MAP1B: variants seen among roughly 807,000 people sequenced by gnomAD.
MAP1B encodes the protein microtubule-associated protein 1B.
MAP1B carries 12 observed loss-of-function variants against 176.1 expected under a neutral mutation model. The ratio of observed to expected loss-of-function variants is 0.07; its 90% CI spans 0.04 to 0.11. The LOEUF is 0.11. Ranked by LOEUF, MAP1B falls within the 10% of genes least tolerant of loss-of-function variation. The pLI is 1.00. For missense variants in MAP1B, 2,523 were observed against 2,990.5 expected (o/e 0.84, Z 3.65); for synonymous variants, 1,044 against 1,135.0 (o/e 0.92, Z 1.61).
rs1561316758 is a variant in MAP1B at position 72,198,195 on chromosome 5, C to T, written c.4840C>T (p.Pro1614Ser). Reference protein sequence around the residue: ...TEMSPSKEECPRPMSISPPDF... With the variant: ...TEMSPSKEECSRPMSISPPDF... ...AATGTCTCCATCTAAAGAAGAATGC[C>T]CAAGACCGATGTCAATTTCTCCACC... The change falls in exon 5 of 7, where the codon CCA becomes TCA. Residue 1614 changes from proline to serine, a missense_variant. This residue lies in a region of MAP1B where 1,925 missense variants were observed against 2,126.0 expected (regional missense o/e 0.91). Transcript: ENST00000296755. 1.9e-6 allele frequency: 3 copies of T among 1,614,192 alleles called. No homozygotes were observed. Among genetic ancestry groups the T allele is most frequent in the South Asian group, 2.2e-5 (2 of 91,084 alleles).
intron 1 of MAP1B, among the ~76,000 whole-genome samples, chr5:72,113,147 G>A (rs1160867711): frequency 6.6e-6 from 1 of 152,136 alleles, no homozygotes; most frequent in Non-Finnish European, 1.5e-5. Flanking sequence ...TATCCAGCAG[G>A]AGATACAAAG....
intron 2 of MAP1B, among the ~76,000 whole-genome samples, chr5:72,145,055 G>A (rs1404554202): frequency 6.6e-6 from 1 of 152,130 alleles, no homozygotes; most frequent in East Asian, 1.9e-4. Context: ...GTCCAGCTGT[G>A]GGGAGCACTG....
rs779524534 is a variant in MAP1B, at chr5:72,198,537, G to A, written c.5182G>A (p.Ala1728Thr). 8 of 1,613,812 alleles carry A rather than the reference G, an allele frequency of 5.0e-6. No individual in the cohort carries two copies. The East Asian group carries it at 1.8e-4, about 36-fold the overall frequency. ...SELISVSQVE[A>T]SPSTSSAHTP... The stretch of plus-strand genomic sequence containing the variant: ...GCTCATCTCAGTATCTCAGGTAGAG[G>A]CCTCCCCGTCCACCTCTTCTGCTCA... Residue 1728 changes from alanine to threonine, a missense_variant, in exon 5 of 7, where the codon GCC (alanine) becomes ACC (threonine). By Grantham distance (58) the Ala-to-Thr change is moderately conservative. Around this residue, in one of 4 missense-constraint regions of MAP1B, gnomAD observed 1,925 missense variants for 2,126.0 expected, o/e 0.91. Transcript: ENST00000296755.
chr5:72,195,253 C>T lies in MAP1B; in HGVS notation c.1898C>T (p.Ala633Val). 1 of 1,613,040 alleles carries T rather than the reference C, an allele frequency of 6.2e-7. No homozygotes were observed. The change falls in exon 5 of 7, where the codon GCC becomes GTC. Residue 633 changes from alanine to valine, a missense_variant. By Grantham distance (64) the Ala-to-Val change is moderately conservative. This residue lies in a region of MAP1B where 1,925 missense variants were observed against 2,126.0 expected (regional missense o/e 0.91). Coordinates refer to ENST00000296755, the MANE Select transcript of MAP1B (RefSeq NM_005909.5). ...GCCACAGATGTCAAACCCAAAGCTG[C>T]CAAGGAGAAGACGGTGAAAAAGGAA... ...KQATDVKPKA[A>V]KEKTVKKETK...
chr5:72,200,707 A>G (rs1029616681), intron 5 of MAP1B, among the ~76,000 whole-genome samples: 1 of 152,192 alleles, frequency 6.6e-6, no homozygotes, highest in Admixed American at 6.5e-5. Flanking sequence ...GGTTTCAGCC[A>G]TACTGGCCTC....
Position 72,198,183 on chromosome 5 carries a change from A to G in MAP1B, c.4828A>G (p.Lys1610Glu). 6.2e-7 allele frequency: 1 copy of G among 1,614,234 alleles called. No individual in the cohort carries two copies. The highest frequency in any genetic ancestry group is 8.5e-7 in the Non-Finnish European group (1 of 1,180,040). ...TFQETEMSPS[K>E]EECPRPMSIS... ...CCAGGAAACAGAAATGTCTCCATCT[A>G]AAGAAGAATGCCCAAGACCGATGTC... The change falls in exon 5 of 7, where the codon AAA becomes GAA. Residue 1610 changes from lysine to glutamate, a missense_variant. Lys to Glu is a moderately conservative substitution (Grantham distance 56). Coordinates refer to ENST00000296755, the MANE Select transcript of MAP1B (RefSeq NM_005909.5).
chr5:72,138,829 A>G (rs1169247780), intron 2 of MAP1B, among the ~76,000 whole-genome samples: 1 of 152,222 alleles, frequency 6.6e-6, no homozygotes, highest in African/African-American at 2.4e-5. Flanking sequence ...CCCAATTTCA[A>G]TGACACCCAA....
Position 72,195,911 on chromosome 5 carries a change from G to C in MAP1B, c.2556G>C (p.Lys852Asn). The change falls in exon 5 of 7, where the codon AAG becomes AAC. Residue 852 changes from lysine to asparagine, a missense_variant. This residue lies in a region of MAP1B where 1,925 missense variants were observed against 2,126.0 expected (regional missense o/e 0.91). Transcript: ENST00000296755. Reference protein sequence around the residue: ...ELKAEEVDVTKDIKPQLELIE... With the variant: ...ELKAEEVDVTNDIKPQLELIE... ...AGGCTGAAGAGGTCGATGTAACAAA[G>C]GACATCAAGCCTCAGCTGGAGCTAA... 6.2e-7 allele frequency: 1 copy of C among 1,614,230 alleles called. No homozygotes were observed. Among genetic ancestry groups the C allele is most frequent in the Non-Finnish European group, 8.5e-7 (1 of 1,180,046 alleles).
At chr5:72,143,191 A>G (rs900321917) in intron 2 of MAP1B, among the ~76,000 whole-genome samples, 1 of 152,234 alleles carries the variant, frequency 6.6e-6, no homozygotes, top group Non-Finnish European at 1.5e-5. Context: ...GGATTCCCAG[A>G]GAAGAAAATG....
intron 5 of MAP1B, 46 bp downstream of exon 5, chr5:72,200,413 A>T: frequency 6.3e-7 from 1 of 1,577,730 alleles, no homozygotes; most frequent in Non-Finnish European, 8.6e-7. Context: ...CAACCATTCT[A>T]CTTGCGTTTA....
intron 4 of MAP1B, among the ~76,000 whole-genome samples, chr5:72,191,466 G>A (rs1747025100): frequency 6.6e-6 from 1 of 152,216 alleles, no homozygotes; most frequent in Non-Finnish European, 1.5e-5. Context: ...TTGCCCTTGA[G>A]GCACTCTCTA....
chr5:72,107,484 A>G lies in MAP1B; in HGVS notation c.-48A>G. 6.8e-7 allele frequency: 1 copy of G among 1,479,958 alleles called. No homozygotes were observed. The highest frequency in any genetic ancestry group is 1.3e-5 in the South Asian group (1 of 79,646). 91.7% of individuals were successfully genotyped at this position (1,479,958 alleles called of 1,614,324 possible). A position where few individuals can be genotyped will look rare whatever the true frequency, so the allele number is the denominator to read the frequency against. On this transcript the variant is annotated 5_prime_UTR_variant, in exon 1 of 7. Transcript: ENST00000296755. Reference sequence around the variant, plus strand: ...AATCCTTTCTCCTGCCGCAGTGGAGAGGAGCGGCCGGAGCGAGACACTTCG... The same window carrying G: ...AATCCTTTCTCCTGCCGCAGTGGAGGGGAGCGGCCGGAGCGAGACACTTCG...
intron 2 of MAP1B, among the ~76,000 whole-genome samples, chr5:72,132,280 A>G (rs1252675227): frequency 6.6e-6 from 1 of 152,220 alleles, no homozygotes; most frequent in African/African-American, 2.4e-5. Context: ...ATGTTGAGAT[A>G]CAAGTATTTT....
chr5:72,111,052 T>G (rs1745326583), intron 1 of MAP1B, among the ~76,000 whole-genome samples: 1 of 152,234 alleles, frequency 6.6e-6, no homozygotes, highest in Non-Finnish European at 1.5e-5. Context: ...TATGCAGGAC[T>G]TTATTCCAAA....
intron 2 of MAP1B, among the ~76,000 whole-genome samples, chr5:72,158,193 A>G (rs1471323761): frequency 6.6e-6 from 1 of 151,190 alleles, no homozygotes; most frequent in Non-Finnish European, 1.5e-5. Context: ...TATTTTTAGT[A>G]GAGATGGGGT....
At position 72,195,386 on chromosome 5, in the gene MAP1B, G is replaced by A; in HGVS notation, c.2031G>A (p.Lys677=). Residue 677 remains lysine (K), a synonymous_variant, in exon 5 of 7, where the codon AAG becomes AAA. Coordinates refer to ENST00000296755, the MANE Select transcript of MAP1B (RefSeq NM_005909.5). ...TPIKKEEKPK[K]EEVKKEVKKE... ...TCAAGAAGGAGGAAAAACCAAAAAA[G>A]GAAGAGGTGAAAAAAGAAGTCAAAA... 1.9e-6 allele frequency: 3 copies of A among 1,564,444 alleles called. No individual in the cohort carries two copies. The highest frequency in any genetic ancestry group is 2.6e-6 in the Non-Finnish European group (3 of 1,159,758).
rs571525412 is a variant in MAP1B, at chr5:72,200,466, A to C, written c.7012+99A>C. ...TGTTTGGCTTTGTACTGGGAAGATGAGGGAGCACAATTGATGCTTTACCTT... is the reference window on the plus strand; with the variant it reads ...TGTTTGGCTTTGTACTGGGAAGATGCGGGAGCACAATTGATGCTTTACCTT... On this transcript the variant is annotated intron_variant, in intron 5 of 6. Transcript: ENST00000296755. The C allele has an allele frequency of 3.5e-6, 5 of 1,426,666 alleles. No individual in the cohort carries two copies. In the South Asian group the frequency reaches 4.1e-5, roughly 12 times the overall value. 88.4% of individuals were successfully genotyped at this position (1,426,666 alleles called of 1,614,324 possible). A position where few individuals can be genotyped will look rare whatever the true frequency, so the allele number is the denominator to read the frequency against.
chr5:72,198,983 G>T lies in MAP1B; in HGVS notation c.5628G>T (p.Glu1876Asp). The change falls in exon 5 of 7, where the codon GAG becomes GAT. Residue 1876 changes from glutamate (E) to aspartate (D), a missense_variant. Transcript: ENST00000296755. ...TTAGCTATGCCTATCAAAAGCCTGA[G>T]GAAACAACCAGGTCCCCAGATGAAG... The part of the protein sequence containing the change: ...GDFSYAYQKP[E>D]ETTRSPDEED... 1 of 1,614,150 alleles carries T rather than the reference G, an allele frequency of 6.2e-7. No individual in the cohort carries two copies. Among genetic ancestry groups the T allele is most frequent in the Middle Eastern group, 1.6e-4 (1 of 6,062 alleles).
chr5:72,196,215 C>T lies in MAP1B; in HGVS notation c.2860C>T (p.Pro954Ser). 1 of 1,613,340 alleles carries T rather than the reference C, an allele frequency of 6.2e-7. No homozygotes were observed. The highest frequency in any genetic ancestry group is 8.5e-7 in the Non-Finnish European group (1 of 1,179,972). The change falls in exon 5 of 7, where the codon CCA becomes TCA. Residue 954 changes from proline (P) to serine (S), a missense_variant. Physicochemically the swap from Pro to Ser is moderately conservative, Grantham distance 74. This residue lies in a region of MAP1B where 1,925 missense variants were observed against 2,126.0 expected (regional missense o/e 0.91). Transcript: ENST00000296755. This position sits in a 1 kb window ranked among gnomAD's most constrained non-coding sequence, Gnocchi z 5.3. ...GGCAGAAACTGAGGAGGCTGAGGAGCCAGAAGAGGATGGGGAGGAACACGT... is the reference window on the plus strand; with the variant it reads ...GGCAGAAACTGAGGAGGCTGAGGAGTCAGAAGAGGATGGGGAGGAACACGT... ...EKAETEEAEE[P>S]EEDGEEHVCV...
Sources: allele counts gnomAD v4.1 joint callset (sites outside exome capture counted in the v4.1 genomes callset), GRCh38; gene constraint gnomAD v4.1.1; regional missense constraint gnomAD v4.1.1; non-coding constraint Gnocchi (gnomAD v3.1); transcripts MANE v1.5; gene names NCBI Gene and HGNC (gene_info 2026-07-23, HGNC 2026-07-21).